The following SCN11A variants were observed in gnomAD, a reference collection of about 807,000 sequenced individuals.
SCN11A encodes sodium voltage-gated channel alpha subunit 11.
Under a neutral mutation model 162.2 loss-of-function variants are expected in SCN11A, and 122 were observed. The observed-to-expected ratio is 0.75, with a 90% confidence interval of 0.65 to 0.87. The LOEUF (loss-of-function observed/expected upper bound fraction) is 0.87. Ranked by LOEUF, SCN11A falls within the 40% of genes least tolerant of loss-of-function variation. The pLI, the probability that SCN11A is intolerant of heterozygous loss-of-function variation, is 0.00. For synonymous variants in SCN11A, 758 were observed against 751.5 expected, an observed-to-expected ratio of 1.01 and a Z score of -0.14; for missense variants, 2,015 against 2,181.6, an observed-to-expected ratio of 0.92 and a Z score of 1.52.
At chr3:38,990,580 C>T (rs1283185373) in intron 2 of SCN11A, among the ~76,000 whole-genome samples, 1 of 152,092 alleles carries the variant, frequency 6.6e-6, no homozygotes, top group African/African-American at 2.4e-5. Flanking sequence ...TGGTTTCCTA[C>T]TAGGAAGGAA....
chr3:38,847,699 G>A lies in SCN11A; in HGVS notation c.4371C>T (p.Phe1457=), dbSNP rs1166026373. The change falls in exon 30 of 30, where the codon TTC becomes TTT. Residue 1457 remains phenylalanine, a synonymous_variant. Coordinates refer to ENST00000302328, the MANE Select transcript of SCN11A (RefSeq NM_001349253.2). Reference sequence around the variant, plus strand: ...GGACAATTCTGAAGAGCGTCGGAGGGAAAGGAATGTGCTCCTGATTTTCCA... The same window carrying A: ...GGACAATTCTGAAGAGCGTCGGAGGAAAAGGAATGTGCTCCTGATTTTCCA... The part of the protein sequence containing the change: ...STLENQEHIP[F]PPTLFRIVRL... 4 of 1,612,040 alleles carry A rather than the reference G, an allele frequency of 2.5e-6. No homozygotes were observed. Among genetic ancestry groups the A allele is most frequent in the Admixed American group, 1.7e-5 (1 of 59,868 alleles).
chr3:38,978,775 C>A (rs2066864571), intron 2 of SCN11A, among the ~76,000 whole-genome samples: 1 of 152,108 alleles, frequency 6.6e-6, no homozygotes, highest in Admixed American at 6.5e-5. Flanking sequence ...GGTTTGTGGA[C>A]CCAGCGTGCT....
At chr3:38,968,221 C>G (rs996664987) in intron 2 of SCN11A, among the ~76,000 whole-genome samples, 3 of 152,210 alleles carry the variant, frequency 2.0e-5, no homozygotes, top group Non-Finnish European at 2.9e-5. Flanking sequence ...GTACACCTGA[C>G]AGAAAATGTT....
rs150988853 is a variant in SCN11A at position 38,847,325 on chromosome 3, G to A, written c.4745C>T (p.Ser1582Phe). The change falls in exon 30 of 30, where the codon TCC (serine) becomes TTC (phenylalanine). Residue 1582 changes from serine to phenylalanine, a missense_variant. By Grantham distance (155) the Ser-to-Phe change is radical. Coordinates refer to ENST00000302328, the MANE Select transcript of SCN11A (RefSeq NM_001349253.2). The stretch of plus-strand genomic sequence containing the variant: ...GATGATAATGTAACTGACAAAGTAG[G>A]ATGTGGCTATGCCAGGGAGGTGGCA... The part of the protein sequence containing the change: ...ENCHLPGIAT[S>F]YFVSYIIISF... 1 of 1,614,214 alleles carries A rather than the reference G, an allele frequency of 6.2e-7. No homozygotes were observed. Among genetic ancestry groups the A allele is most frequent in the Non-Finnish European group, 8.5e-7 (1 of 1,180,038 alleles).
intron 7 of SCN11A, among the ~76,000 whole-genome samples, chr3:38,933,034 G>C (rs1232042272): frequency 2.0e-5 from 3 of 152,198 alleles, no homozygotes; most frequent in Non-Finnish European, 2.9e-5. Flanking sequence ...AACTTCCAGA[G>C]AAATGATCAG....
intron 19 of SCN11A, among the ~76,000 whole-genome samples, chr3:38,893,263 A>T (rs2065530870): frequency 6.6e-6 from 1 of 152,180 alleles, no homozygotes; most frequent in Non-Finnish European, 1.5e-5. Context: ...CTTACTAGAG[A>T]TAAAGAGGGA....
rs2065057515 is a variant in SCN11A, at chr3:38,867,389, C to T, written c.3883G>A (p.Gly1295Ser). 1 of 1,612,646 alleles carries T rather than the reference C, an allele frequency of 6.2e-7. No individual in the cohort carries two copies. The highest frequency in any genetic ancestry group is 1.7e-5 in the Admixed American group (1 of 59,970). Residue 1295 changes from glycine (G) to serine (S), a missense_variant, in exon 27 of 30, where the codon GGC becomes AGC. Transcript: ENST00000302328. ...AAGAGATTCAGAGTGAAGAATGAGC[C>T]AAAGATGATAAAGACTACGAAGTAA... ...YIYFVVFIIF[G>S]SFFTLNLFIG...
In SCN11A at chr3:38,909,324, C is replaced by A. The variant is rs114194426; in HGVS notation, c.1102-130G>T. 238 of 739,226 alleles carry A rather than the reference C, an allele frequency of 3.2e-4. 1 individual carries two copies. The African/African-American group carries it at 3.9e-3, about 12-fold the overall frequency. The allele number at this position is 739,226 out of a possible 1,614,324, so 45.8% of individuals were successfully genotyped here. A position where few individuals can be genotyped will look rare whatever the true frequency, so the allele number is the denominator to read the frequency against. ...CAGCACTGGTGGGCTCAGTTGACCA[C>A]AGACCATATAGCTTCCCTAATACTC... is the stretch of plus-strand genomic sequence containing the variant. On this transcript the variant is annotated intron_variant, in intron 12 of 29. Transcript: ENST00000302328.
intron 19 of SCN11A, 111 bp downstream of exon 19, chr3:38,894,422 G>A (rs766638916): frequency 9.3e-5 from 85 of 912,352 alleles, no homozygotes; most frequent in Middle Eastern, 2.4e-4. Flanking sequence ...GGGCAGCCAC[G>A]TTTTGTACCC....
intron 15 of SCN11A, 84 bp downstream of exon 15, chr3:38,905,108 A>AGG: frequency 1.9e-6 from 3 of 1,574,856 alleles, no homozygotes; most frequent in Non-Finnish European, 2.6e-6. Context: ...TCCTTTGCAG[A>AGG]GGGCTTCTAG....
intron 7 of SCN11A, among the ~76,000 whole-genome samples, chr3:38,936,202 T>C (rs2066328958): frequency 6.6e-6 from 1 of 151,972 alleles, no homozygotes; most frequent in African/African-American, 2.4e-5. Context: ...ATAAATTAGG[T>C]ATTGATGGGA....
chr3:38,952,560 A>T (rs1020627481), intron 4 of SCN11A, among the ~76,000 whole-genome samples: 1 of 152,244 alleles, frequency 6.6e-6, no homozygotes, highest in African/African-American at 2.4e-5. Context: ...CAACAGTTAC[A>T]CTGTCCTGGA....
intron 15 of SCN11A, among the ~76,000 whole-genome samples, chr3:38,904,348 T>C (rs1333461548): frequency 3.3e-5 from 5 of 152,154 alleles, no homozygotes; most frequent in African/African-American, 9.7e-5. Flanking sequence ...TTACTGAGCA[T>C]CCAGGAGCTG....
chr3:38,889,528 G>A (rs936204248), intron 19 of SCN11A, among the ~76,000 whole-genome samples: 5 of 152,012 alleles, frequency 3.3e-5, no homozygotes, highest in Non-Finnish European at 7.4e-5. Context: ...GGCCGGGCGC[G>A]GTGGCTCACG....
chr3:38,947,056 C>A, intron 5 of SCN11A, 149 bp from the exon 6 acceptor site: 1 of 589,882 alleles, frequency 1.7e-6, no homozygotes, highest in Non-Finnish European at 3.0e-6. Flanking sequence ...ATGGGATACT[C>A]CAGAAGAATC....
At chr3:39,000,541 T>C (rs2030777607) in intron 2 of SCN11A, among the ~76,000 whole-genome samples, 1 of 152,222 alleles carries the variant, frequency 6.6e-6, no homozygotes, top group Non-Finnish European at 1.5e-5. Context: ...TTGTTCTTAC[T>C]TTCTTCTGTG....
chr3:38,890,162 AT>A (rs1002669302), intron 19 of SCN11A, among the ~76,000 whole-genome samples: 1 of 152,166 alleles, frequency 6.6e-6, no homozygotes, highest in African/African-American at 2.4e-5. Context: ...AATCATCCTC[AT>A]TCCAGCTTAC....
intron 29 of SCN11A, chr3:38,850,280 G>A (rs2064753226): frequency 3.5e-6 from 2 of 571,812 alleles, no homozygotes; most frequent in Admixed American, 6.5e-5. Flanking sequence ...TGTGTAGTGA[G>A]TTAAGGGAAC....
At chr3:39,001,820 G>T (rs2030822504) in intron 2 of SCN11A, among the ~76,000 whole-genome samples, 1 of 152,126 alleles carries the variant, frequency 6.6e-6, no homozygotes, top group Non-Finnish European at 1.5e-5. Context: ...GGATCACGAG[G>T]TCAGGAGGTC....
Sources: allele counts gnomAD v4.1 joint callset (sites outside exome capture counted in the v4.1 genomes callset), GRCh38; gene constraint gnomAD v4.1.1; transcripts MANE v1.5; gene names NCBI Gene and HGNC (gene_info 2026-07-23, HGNC 2026-07-21).